Variants in SIK3 observed in about 807,000 individuals in gnomAD.
The protein encoded by SIK3 is SIK family kinase 3.
In SIK3, 28 loss-of-function variants were observed where a neutral mutation model predicts 144.2. The ratio of observed to expected loss-of-function variants is 0.19; its 90% CI spans 0.14 to 0.27. SIK3 has a LOEUF of 0.27. SIK3 is among the 10% of genes least tolerant of loss of function. The probability of loss-of-function intolerance (pLI) is 1.00; values close to 1 mark genes in which losing one functional copy is unlikely to be tolerated. For synonymous variants in SIK3, 686 were observed against 676.3 expected (o/e 1.01, Z -0.22); for missense variants, 1,319 against 1,776.0 (o/e 0.74, Z 4.62).
At position 117,019,229 on chromosome 11, in the gene SIK3, A is replaced by C. The variant is rs1951664598; in HGVS notation, c.274-62165T>G. On this transcript the variant is annotated intron_variant, in intron 1 of 24. Coordinates refer to ENST00000445177, the MANE Select transcript of SIK3 (RefSeq NM_001366686.3). ...GAGACAAGGTTTCACCGTGTTGCCC[A>C]GGCTGGTCTCGAACTCCTGAGCTCA... Among the ~76,000 whole-genome samples the C allele has an allele frequency of 3.9e-5, 6 of 151,994 alleles. No homozygotes were observed. In the South Asian group the frequency reaches 1.3e-3, roughly 32 times the overall value.
chr11:116,858,828 T>G lies in SIK3; in HGVS notation c.2766-129A>C. On this transcript the variant is annotated intron_variant, in intron 20 of 24. Transcript: ENST00000445177. This position sits in a 1 kb window ranked among gnomAD's most constrained non-coding sequence, Gnocchi z 5.4. ...TGTGGTGTGACAGAGAAGTGGCAGA[T>G]GTATGCATTGTCCCTATTTATTCCA... 1.5e-6 allele frequency: 2 copies of G among 1,342,090 alleles called. No homozygotes were observed. Among genetic ancestry groups the G allele is most frequent in the Non-Finnish European group, 1.0e-6 (1 of 1,004,548 alleles). 83.1% of individuals were successfully genotyped at this position (1,342,090 alleles called of 1,614,324 possible).
chr11:116,896,226 A>G (rs561948305), intron 6 of SIK3, 27 bp downstream of exon 6: 103 of 1,612,180 alleles, frequency 6.4e-5, no homozygotes, highest in South Asian at 2.5e-4. Flanking sequence ...GAACCCATTC[A>G]TAGCTGTGTG....
At chr11:116,881,175 C>A (rs552198276) in intron 6 of SIK3, among the ~76,000 whole-genome samples, 2 of 152,042 alleles carry the variant, frequency 1.3e-5, no homozygotes, top group South Asian at 4.2e-4. Flanking sequence ...AAAAGGGCCC[C>A]ATTATTTGCT....
At chr11:116,902,120 G>C (rs559182775) in intron 4 of SIK3, among the ~76,000 whole-genome samples, 1 of 152,308 alleles carries the variant, frequency 6.6e-6, no homozygotes, top group South Asian at 2.1e-4. Flanking sequence ...GATGGATTCT[G>C]GCACTGGAAT....
chr11:116,857,835 G>A lies in SIK3; in HGVS notation c.3630C>T (p.Phe1210=). The A allele has an allele frequency of 6.2e-7, 1 of 1,614,184 alleles. No homozygotes were observed. The highest frequency in any genetic ancestry group is 8.5e-7 in the Non-Finnish European group (1 of 1,180,032). The change falls in exon 21 of 25, where the codon TTC becomes TTT. Residue 1210 remains phenylalanine, a synonymous_variant. Transcript: ENST00000445177. ...CTCTGCTGGGCACCTTATTTTTACT[G>A]AATGCAGCAGTTGGCTGATGACCAT... ...HPYGHQPTAA[F]SKNKVPSREP... is the part of the protein sequence containing the mutation.
At chr11:117,035,655 A>C in intron 1 of SIK3, 1 of 638,350 alleles carries the variant, frequency 1.6e-6, no homozygotes. Flanking sequence ...CCTAGGCTCA[A>C]GCGATCCTCC....
chr11:116,937,930 C>A (rs1948005740), intron 3 of SIK3, among the ~76,000 whole-genome samples: 1 of 152,078 alleles, frequency 6.6e-6, no homozygotes, highest in Non-Finnish European at 1.5e-5. Flanking sequence ...GTTGGCTGGG[C>A]ACGGTGGCTC....
intron 3 of SIK3, among the ~76,000 whole-genome samples, chr11:116,939,750 A>G (rs1253927634): frequency 6.6e-6 from 1 of 152,220 alleles, no homozygotes; most frequent in Non-Finnish European, 1.5e-5. Flanking sequence ...CACAATAAAT[A>G]TATGATCAGC....
rs1048791250 is a variant in SIK3 at position 116,847,717 on chromosome 11, G to T, written c.3820-109C>A. On this transcript the variant is annotated intron_variant, in intron 22 of 24. Transcript: ENST00000445177. ...GAGCCCAGGCAAAAGACAGCCCGGG[G>T]CCCCACTCCAGACTCCTTCCTCTAA... 3.5e-6 allele frequency: 5 copies of T among 1,430,518 alleles called. No homozygotes were observed. In the Admixed American group the frequency reaches 5.3e-5, roughly 15 times the overall value. The allele number at this position is 1,430,518 out of a possible 1,614,324, so 88.6% of individuals were successfully genotyped here. A position where few individuals can be genotyped will look rare whatever the true frequency, so the allele number is the denominator to read the frequency against.
At chr11:116,861,013 A>T (rs1442647239) in intron 19 of SIK3, among the ~76,000 whole-genome samples, 1 of 152,120 alleles carries the variant, frequency 6.6e-6, no homozygotes, top group Admixed American at 6.5e-5. Flanking sequence ...TCTTTCCTTT[A>T]TCAATTACCC....
intron 1 of SIK3, among the ~76,000 whole-genome samples, chr11:117,032,461 C>A (rs1342799446): frequency 6.6e-6 from 1 of 152,072 alleles, no homozygotes; most frequent in Admixed American, 6.6e-5. Flanking sequence ...GTGTTCACTG[C>A]TAATATATAA....
Position 116,861,391 on chromosome 11 carries a change from A to G in SIK3, c.2316-8T>C. The G allele has an allele frequency of 6.3e-7, 1 of 1,581,698 alleles. No individual in the cohort carries two copies. The highest frequency in any genetic ancestry group is 1.1e-5 in the South Asian group (1 of 88,766). ...GAAGGCTGAATCCTTAACCTTAAAA[A>G]TAACAAAAGAGATACACAAAGAAGC... is the stretch of plus-strand genomic sequence containing the variant. On this transcript the variant is annotated splice_polypyrimidine_tract_variant and splice_region_variant and intron_variant, in intron 18 of 24. Coordinates refer to ENST00000445177, the MANE Select transcript of SIK3 (RefSeq NM_001366686.3).
chr11:116,978,562 G>A (rs1388977325), intron 1 of SIK3, among the ~76,000 whole-genome samples: 1 of 152,098 alleles, frequency 6.6e-6, no homozygotes, highest in Non-Finnish European at 1.5e-5. Flanking sequence ...GGAGTGGAGT[G>A]ATATGAGCAT....
chr11:116,882,770 C>A (rs115775153), intron 6 of SIK3, among the ~76,000 whole-genome samples: 244 of 152,218 alleles, frequency 1.6e-3, no homozygotes, highest in African/African-American at 4.8e-3. Context: ...TTCTAAAGCA[C>A]CCAGCCCAAG....
At chr11:117,039,475 T>C (rs1255532029) in intron 1 of SIK3, among the ~76,000 whole-genome samples, 2 of 152,194 alleles carry the variant, frequency 1.3e-5, no homozygotes, top group Non-Finnish European at 1.5e-5. Context: ...GTTACTAATG[T>C]ATGATGTTTG....
intron 4 of SIK3, among the ~76,000 whole-genome samples, chr11:116,904,491 C>T (rs1436940057): frequency 6.6e-6 from 1 of 151,926 alleles, no homozygotes; most frequent in Non-Finnish European, 1.5e-5. Context: ...TTTTCCTCCA[C>T]ATTTAAAAAT....
chr11:116,897,150 GGGTA>G, intron 5 of SIK3, 39 bp downstream of exon 5: 1 of 1,596,750 alleles, frequency 6.3e-7, no homozygotes, highest in South Asian at 1.1e-5. Context: ...CATCAACCAA[GGGTA>G]GCTAATGCTG....
chr11:116,870,336 C>T lies in SIK3; in HGVS notation c.1803G>A (p.Val601=). 6.2e-7 allele frequency: 1 copy of T among 1,613,606 alleles called. No individual in the cohort carries two copies. Among genetic ancestry groups the T allele is most frequent in the Non-Finnish European group, 8.5e-7 (1 of 1,180,026 alleles). ...SSDGEPDQEA[V]QRYLANRSKR... is the part of the protein sequence containing the mutation. ...ACTGCCAGATGTCACATTACCTCTG[C>T]ACAGCTTCCTGGTCTGGCTCCCCGT... Residue 601 remains valine, a synonymous_variant, in exon 14 of 25, where the codon GTG becomes GTA. Transcript: ENST00000445177.
intron 4 of SIK3, among the ~76,000 whole-genome samples, chr11:116,917,827 G>GAAGGA (rs55678809): frequency 0.18 from 19,109 of 104,888 alleles, 2,209 homozygotes; most frequent in South Asian, 0.37. Context: ...GAAGAAGAAG[G>GAAGGA]AAGGAAAGGA....
Sources: gnomAD v4.1 joint callset for allele counts (sites outside exome capture counted in the v4.1 genomes callset) on GRCh38, gnomAD v4.1.1 for gene constraint, Gnocchi (gnomAD v3.1) non-coding constraint, MANE v1.5 for transcripts, NCBI Gene and HGNC (gene_info 2026-07-23, HGNC 2026-07-21) for gene names.